The following JMJD7 variants were observed in gnomAD, a reference collection of about 807,000 sequenced individuals.
JMJD7 encodes bifunctional peptidase and (3S)-lysyl hydroxylase JMJD7.
In JMJD7, 41 loss-of-function variants were observed where a neutral mutation model predicts 41.1. The observed-to-expected ratio is 1.00, with a 90% CI of 0.78 to 1.30. The LOEUF is 1.30. Among genes scored for constraint, JMJD7 ranks in the 50% most tolerant of loss-of-function variants. The pLI, the probability that JMJD7 is intolerant of heterozygous loss-of-function variation, is 0.00. For missense variants in JMJD7, 480 were observed against 420.7 expected, an observed-to-expected ratio of 1.14 and a Z score of -1.23; for synonymous variants, 202 against 177.2, an observed-to-expected ratio of 1.14 and a Z score of -1.11.
intron 3 of JMJD7, 52 bp from the exon 4 acceptor site, chr15:41,835,536 A>C: frequency 6.3e-7 from 1 of 1,588,348 alleles, no homozygotes; most frequent in East Asian, 2.2e-5. Context: ...ACTGGATGGC[A>C]GCTTTCCCCA....
chr15:41,836,660 A>G lies in JMJD7; in HGVS notation c.702+109A>G, dbSNP rs965497607. On this transcript the variant is annotated intron_variant, in intron 6 of 7. Transcript: ENST00000397299. ...TGGCACCTTGCTCTGAAAAGTCTCT[A>G]AGTCTGAGGCCTTTCACTGCTGAGC... The G allele has an allele frequency of 2.0e-6, 3 of 1,465,246 alleles. No homozygotes were observed. The African/African-American group carries it at 4.2e-5, about 21-fold the overall frequency. 90.8% of individuals were successfully genotyped at this position (1,465,246 alleles called of 1,614,324 possible).
chr15:41,830,255 C>G (rs2065210093), intron 1 of JMJD7, among the ~76,000 whole-genome samples: 1 of 152,224 alleles, frequency 6.6e-6, no homozygotes, highest in Admixed American at 6.5e-5. Context: ...TAGGGACTTG[C>G]ACTTGTGAGT....
intron 1 of JMJD7, chr15:41,828,488 G>C: frequency 3.2e-6 from 1 of 310,172 alleles, no homozygotes; most frequent in Non-Finnish European, 5.9e-6. Flanking sequence ...CTCATCGAAG[G>C]CACACAGCTG....
At chr15:41,832,475 G>C (rs11635067) in intron 1 of JMJD7, 42,924 of 153,228 alleles carry the variant, frequency 0.28, 7,117 homozygotes, top group Admixed American at 0.37. Flanking sequence ...AGTACAACAG[G>C]AAGATGTACT....
chr15:41,836,242 TG>T lies in JMJD7; in HGVS notation c.625+1del, dbSNP rs1343376544. ...PPSDRPFIPY[E>X]LYTPATYQLT... ...CCAGCGACCGGCCCTTCATCCCCTA[TG>T]GTAGGGGATGTGGCCTGCAGGGAGG... On this transcript the variant is annotated frameshift_variant and splice_region_variant, in exon 5 of 8. Transcript: ENST00000397299. LOFTEE classifies it high-confidence loss of function. 5 of 1,611,836 alleles carry T rather than the reference TG, an allele frequency of 3.1e-6. No homozygotes were observed. In the African/African-American group the frequency reaches 6.7e-5, roughly 22 times the overall value.
Position 41,837,388 on chromosome 15 carries a change from G to T in JMJD7, c.*232G>T. 1.8e-6 allele frequency: 1 copy of T among 564,446 alleles called. No homozygotes were observed. Among genetic ancestry groups the T allele is most frequent in the Middle Eastern group, 4.7e-4 (1 of 2,130 alleles). 35.0% of individuals were successfully genotyped at this position (564,446 alleles called of 1,614,324 possible). A position where few individuals can be genotyped will look rare whatever the true frequency, so the allele number is the denominator to read the frequency against. On this transcript the variant is annotated 3_prime_UTR_variant, in exon 8 of 8. Coordinates refer to ENST00000397299, the MANE Select transcript of JMJD7 (RefSeq NM_001114632.2). ...GTTGCCACACAGGTGAGCAGAGTGG[G>T]GATCAGGTGCAGCGGCACCTCTCCC... is the stretch of plus-strand genomic sequence containing the variant.
intron 1 of JMJD7, chr15:41,828,461 G>C (rs552244344): frequency 6.1e-4 from 220 of 363,128 alleles, no homozygotes; most frequent in African/African-American, 4.4e-3. Context: ...GCAGCTTGCT[G>C]TTACCCTTGT....
At chr15:41,829,876 G>A (rs142185797) in intron 1 of JMJD7, among the ~76,000 whole-genome samples, 5 of 152,198 alleles carry the variant, frequency 3.3e-5, no homozygotes, top group African/African-American at 7.2e-5. Context: ...CAAGACCAGC[G>A]TGGGCAACAT....
rs1453470191 is a variant in JMJD7 at position 41,835,816 on chromosome 15, C to T, written c.529+172C>T. Among the ~76,000 whole-genome samples the T allele has an allele frequency of 3.3e-5, 5 of 152,256 alleles. No homozygotes were observed. In the East Asian group the frequency reaches 5.8e-4, roughly 18 times the overall value. Reference sequence around the variant, plus strand: ...GAGGGTTTCCCCTGACAGCTGAGGTCGGGGAATGGACCCATGGCATTGGGG... The same window carrying T: ...GAGGGTTTCCCCTGACAGCTGAGGTTGGGGAATGGACCCATGGCATTGGGG... On this transcript the variant is annotated intron_variant, in intron 4 of 7. Transcript: ENST00000397299.
chr15:41,836,778 C>A lies in JMJD7; in HGVS notation c.703-3C>A. ...TGCTCCCTGGCATCTGATGTGTTCC[C>A]AGGTGCCCTGGATCCCACTGGACCC... is the stretch of plus-strand genomic sequence containing the variant. On this transcript the variant is annotated splice_polypyrimidine_tract_variant and splice_region_variant and intron_variant, in intron 6 of 7. Transcript: ENST00000397299. The A allele has an allele frequency of 6.2e-7, 1 of 1,605,062 alleles. No homozygotes were observed. The highest frequency in any genetic ancestry group is 8.5e-7 in the Non-Finnish European group (1 of 1,176,252).
chr15:41,835,545 C>G, intron 3 of JMJD7, 43 bp from the exon 4 acceptor site: 1 of 1,596,674 alleles, frequency 6.3e-7, no homozygotes, highest in Non-Finnish European at 8.5e-7. Flanking sequence ...CAGCTTTCCC[C>G]AGCCTGGCCT....
At chr15:41,836,748 G>T (rs752942586) in intron 6 of JMJD7, 33 bp from the exon 7 acceptor site, 5 of 1,573,392 alleles carry the variant, frequency 3.2e-6, no homozygotes, top group Non-Finnish European at 4.3e-6. Flanking sequence ...GGGGGTCTGG[G>T]GGGCTGCTCC....
chr15:41,833,412 A>T (rs199697643), intron 1 of JMJD7, among the ~76,000 whole-genome samples: 464 of 41,786 alleles, frequency 0.011, 10 homozygotes, highest in Admixed American at 0.036. Flanking sequence ...ATATATATAT[A>T]TATTTTTTTT....
At chr15:41,832,794 G>T (rs1596112189) in intron 1 of JMJD7, among the ~76,000 whole-genome samples, 1 of 152,208 alleles carries the variant, frequency 6.6e-6, no homozygotes, top group African/African-American at 2.4e-5. Context: ...GAACATCAGT[G>T]CTGGGACCAT....
chr15:41,836,031 C>G, intron 4 of JMJD7, 117 bp from the exon 5 acceptor site: 1 of 1,111,330 alleles, frequency 9.0e-7, no homozygotes, highest in Non-Finnish European at 1.3e-6. Context: ...TGGCTCTGTG[C>G]GTGCTTCTCT....
intron 1 of JMJD7, 176 bp downstream of exon 1, chr15:41,828,364 C>T (rs1451078185): frequency 2.8e-6 from 2 of 714,362 alleles, no homozygotes; most frequent in Non-Finnish European, 4.1e-6. Context: ...CCGCGGCTTC[C>T]TGGGTGATTC....
In JMJD7 at chr15:41,834,971, G is replaced by C; in HGVS notation, c.220G>C (p.Ala74Pro). The stretch of plus-strand genomic sequence containing the variant: ...TGGGCTGAGTGTCCATTCCTCTAGA[G>C]CCACAGTGGGCTCCACAGAGGTGAG... ...LQKWSLPYFR[A>P]TVGSTEVSVA... The change falls in exon 3 of 8, where the codon GCC becomes CCC. Residue 74 changes from alanine to proline, a missense_variant and splice_region_variant. Ala to Pro is a conservative substitution (Grantham distance 27, BLOSUM62 -1). Transcript: ENST00000397299. 1 of 1,614,142 alleles carries C rather than the reference G, an allele frequency of 6.2e-7. No individual in the cohort carries two copies. The highest frequency in any genetic ancestry group is 8.5e-7 in the Non-Finnish European group (1 of 1,180,042).
intron 6 of JMJD7, 37 bp downstream of exon 6, chr15:41,836,588 G>A (rs573374254): frequency 6.6e-7 from 1 of 1,518,262 alleles, no homozygotes; most frequent in South Asian, 1.3e-5. Flanking sequence ...GGAGGGAGAA[G>A]GGCAGAAGCC....
At chr15:41,832,969 G>A (rs956139658) in intron 1 of JMJD7, among the ~76,000 whole-genome samples, 3 of 152,240 alleles carry the variant, frequency 2.0e-5, no homozygotes, top group African/African-American at 7.2e-5. Context: ...AATAGAGGGT[G>A]TGTGGCAAGG....
Sources: allele counts gnomAD v4.1 joint callset (sites outside exome capture counted in the v4.1 genomes callset), GRCh38; gene constraint gnomAD v4.1.1; transcripts MANE v1.5; gene names NCBI Gene and HGNC (gene_info 2026-07-23, HGNC 2026-07-21).